PAPPA: variants seen among roughly 807,000 people sequenced by gnomAD.
PAPPA encodes the protein pappalysin-1.
A neutral mutation model predicts 164.0 loss-of-function variants in PAPPA; 60 were observed. The ratio of observed to expected loss-of-function variants is 0.37; its 90% confidence interval spans 0.30 to 0.45. The LOEUF (loss-of-function observed/expected upper bound fraction) is 0.45, where lower values mean the gene tolerates loss of function less well. PAPPA is among the 20% of genes least tolerant of loss of function. The pLI, the probability that PAPPA is intolerant of heterozygous loss-of-function variation, is 1.00. For synonymous variants in PAPPA, 875 were observed against 814.1 expected, an observed-to-expected ratio of 1.07 and a Z score of -1.27; for missense variants, 1,782 against 2,087.3, an observed-to-expected ratio of 0.85 and a Z score of 2.85.
intron 5 of PAPPA, among the ~76,000 whole-genome samples, chr9:116,226,121 ATAGG>A (rs767798508): frequency 1.3e-5 from 2 of 152,224 alleles, no homozygotes; most frequent in Non-Finnish European, 2.9e-5. Context: ...ACGCAACATG[ATAGG>A]TAGACAGAGC....
rs1274056498 is a variant in PAPPA, at chr9:116,335,050, AG to A, written c.3588del (p.Thr1197ProfsTer44). The A allele has an allele frequency of 1.2e-6, 2 of 1,613,294 alleles. No homozygotes were observed. The highest frequency in any genetic ancestry group is 1.7e-6 in the Non-Finnish European group (2 of 1,179,948). On this transcript the variant is annotated frameshift_variant, in exon 13 of 22. Transcript: ENST00000328252. LOFTEE classifies it high-confidence loss of function. The part of the protein sequence containing the change: ...PVTLSSCQRG[E>X]TYSPAEQSCV... ...ACCCTGAGCAGCTGCCAGAGAGGGG[AG>A]ACCTACAGCCCTGCCGAGCAGAGGT...
At chr9:116,171,500 C>G (rs554094081) in intron 1 of PAPPA, among the ~76,000 whole-genome samples, 1 of 147,176 alleles carries the variant, frequency 6.8e-6, no homozygotes, top group Admixed American at 6.8e-5. Flanking sequence ...TCAACCCCCC[C>G]ACCACTCTGT....
intron 21 of PAPPA, among the ~76,000 whole-genome samples, chr9:116,392,337 C>G (rs4837374): frequency 0.24 from 36,579 of 152,160 alleles, 4,879 homozygotes; most frequent in East Asian, 0.39. Flanking sequence ...TCCTGCATCA[C>G]CAACTCACTG....
intron 7 of PAPPA, among the ~76,000 whole-genome samples, chr9:116,245,182 A>G (rs1055463872): frequency 6.6e-6 from 1 of 151,972 alleles, no homozygotes; most frequent in Non-Finnish European, 1.5e-5. Flanking sequence ...AAGGGGGTGG[A>G]TGATGGGCAA....
Position 116,265,941 on chromosome 9 carries a change from A to G in PAPPA, c.2817A>G (p.Thr939=), listed in dbSNP as rs373907896. The change falls in exon 8 of 22, where the codon ACA becomes ACG. Residue 939 remains threonine (T), a synonymous_variant. Coordinates refer to ENST00000328252, the MANE Select transcript of PAPPA (RefSeq NM_002581.5). ...AGAGTGAGCCATCACCTGCTGTCAC[A>G]TACATCCATGGAAGTGGGTACTGTG... ...TEESEPSPAV[T]YIHGSGYCGD... 4 of 1,613,042 alleles carry G rather than the reference A, an allele frequency of 2.5e-6. No homozygotes were observed. In the African/African-American group the frequency reaches 5.3e-5, roughly 22 times the overall value.
Position 116,187,487 on chromosome 9 carries a change from G to A in PAPPA, c.749G>A (p.Arg250Gln), listed in dbSNP as rs201674996. Residue 250 changes from arginine (R) to glutamine (Q), a missense_variant, in exon 2 of 22, where the codon CGG becomes CAG. Arg to Gln is a conservative substitution (Grantham distance 43). Around this residue, in one of 2 missense-constraint regions of PAPPA, gnomAD observed 458 missense variants for 430.3 expected, o/e 1.06. Transcript: ENST00000328252. This position sits in a 1 kb window ranked among gnomAD's most constrained non-coding sequence, Gnocchi z 4.2. ...LGGSALNHNY[R>Q]GYIEHFSLWK... ...GGCAGTGCCCTGAATCACAACTACC[G>A]GGGCTACATCGAGCACTTCAGTCTG... is the stretch of plus-strand genomic sequence containing the variant. 8.1e-6 allele frequency: 13 copies of A among 1,613,994 alleles called. No homozygotes were observed. The highest frequency in any genetic ancestry group is 1.0e-5 in the Non-Finnish European group (12 of 1,180,016).
At chr9:116,362,385 A>T (rs939510515) in intron 17 of PAPPA, among the ~76,000 whole-genome samples, 1 of 152,194 alleles carries the variant, frequency 6.6e-6, no homozygotes, top group Non-Finnish European at 1.5e-5. Flanking sequence ...TCCTGGTCTG[A>T]GTCCTCAGTT....
At chr9:116,275,925 AC>A (rs1845192099) in intron 9 of PAPPA, among the ~76,000 whole-genome samples, 1 of 151,764 alleles carries the variant, frequency 6.6e-6, no homozygotes, top group East Asian at 1.9e-4. Flanking sequence ...TCAATTTCCC[AC>A]CCCTGGTGCC....
In PAPPA at chr9:116,271,285, G is replaced by A; in HGVS notation, c.2862-40G>A. ...TTTCCATGTCCAGCCATGGTTTTAA[G>A]ACTAAATTGGCAAATTTCTCTTCCA... is the stretch of plus-strand genomic sequence containing the variant. On this transcript the variant is annotated intron_variant, in intron 8 of 21. Coordinates refer to ENST00000328252, the MANE Select transcript of PAPPA (RefSeq NM_002581.5). The surrounding 1 kb of genome is among the most constrained non-coding windows in gnomAD (Gnocchi z 4.2). 1 of 1,454,020 alleles carries A rather than the reference G, an allele frequency of 6.9e-7. No homozygotes were observed. The highest frequency in any genetic ancestry group is 9.7e-7 in the Non-Finnish European group (1 of 1,034,104). The allele number at this position is 1,454,020 out of a possible 1,614,324, so 90.1% of individuals were successfully genotyped here. A position where few individuals can be genotyped will look rare whatever the true frequency, so the allele number is the denominator to read the frequency against.
chr9:116,212,716 G>A (rs574725107), intron 4 of PAPPA, among the ~76,000 whole-genome samples: 1 of 152,198 alleles, frequency 6.6e-6, no homozygotes, highest in African/African-American at 2.4e-5. Context: ...ATGTTTGTTA[G>A]GAAAGGAAGA....
intron 1 of PAPPA, among the ~76,000 whole-genome samples, chr9:116,175,333 ATAGTTACTATTGCACACT>A (rs1378900601): frequency 5.9e-5 from 9 of 152,216 alleles, no homozygotes; most frequent in Non-Finnish European, 1.3e-4. Flanking sequence ...CATGATGACT[ATAGTTACTATTGCACACT>A]TGAAAATTGC....
intron 14 of PAPPA, among the ~76,000 whole-genome samples, chr9:116,345,335 C>G (rs1846193011): frequency 6.7e-6 from 1 of 149,344 alleles, no homozygotes; most frequent in African/African-American, 2.5e-5. Flanking sequence ...GACATGGAAA[C>G]AGCTAACTAG....
intron 1 of PAPPA, among the ~76,000 whole-genome samples, chr9:116,174,939 A>AT (rs756725412): frequency 6.6e-6 from 1 of 152,040 alleles, no homozygotes; most frequent in Admixed American, 6.6e-5. Context: ...CCAAATAGAA[A>AT]TTTTTTTCTC....
chr9:116,382,997 C>T (rs965269044), intron 21 of PAPPA, among the ~76,000 whole-genome samples: 2 of 152,144 alleles, frequency 1.3e-5, no homozygotes, highest in African/African-American at 4.8e-5. Flanking sequence ...AGGTCATTTA[C>T]AGTCTTTGAG....
intron 15 of PAPPA, 108 bp from the exon 16 acceptor site, chr9:116,352,598 T>A: frequency 1.2e-6 from 1 of 832,668 alleles, no homozygotes. Context: ...GAATTCCACA[T>A]AAGGGATCTC....
At chr9:116,350,172 A>G (rs969637497) in intron 15 of PAPPA, among the ~76,000 whole-genome samples, 1 of 152,196 alleles carries the variant, frequency 6.6e-6, no homozygotes, top group Non-Finnish European at 1.5e-5. Flanking sequence ...AGCATCAATG[A>G]CCAGTATAAT....
chr9:116,326,358 C>T (rs1845920457), intron 10 of PAPPA, among the ~76,000 whole-genome samples: 2 of 152,102 alleles, frequency 1.3e-5, no homozygotes, highest in Admixed American at 1.3e-4. Flanking sequence ...CCTGAAGCCA[C>T]CCCAGGGACC....
chr9:116,193,571 T>C (rs932517300), intron 2 of PAPPA, among the ~76,000 whole-genome samples: 5 of 151,994 alleles, frequency 3.3e-5, no homozygotes, highest in Admixed American at 6.6e-5. Flanking sequence ...AGACCCAGGG[T>C]CTCACTTCCT....
chr9:116,219,962 G>A lies in PAPPA; in HGVS notation c.1944G>A (p.Thr648=), dbSNP rs140997586. The change falls in exon 5 of 22, where the codon ACG becomes ACA. Residue 648 remains threonine, a synonymous_variant. Coordinates refer to ENST00000328252, the MANE Select transcript of PAPPA (RefSeq NM_002581.5). The part of the protein sequence containing the change: ...YADDDCTDSF[T]PNQVARMHCY... Reference sequence around the variant, plus strand: ...ATGACGACTGTACGGACTCCTTCACGCCCAATCAAGTCGCCAGAATGCACT... The same window carrying A: ...ATGACGACTGTACGGACTCCTTCACACCCAATCAAGTCGCCAGAATGCACT... The A allele has an allele frequency of 1.5e-4, 243 of 1,613,502 alleles. No homozygotes were observed. The highest frequency in any genetic ancestry group is 1.9e-4 in the Non-Finnish European group (228 of 1,179,848).
Sources: gnomAD v4.1 joint callset for allele counts (sites outside exome capture counted in the v4.1 genomes callset) on GRCh38, gnomAD v4.1.1 for gene constraint, gnomAD v4.1.1 regional missense constraint, Gnocchi (gnomAD v3.1) non-coding constraint, MANE v1.5 for transcripts, NCBI Gene and HGNC (gene_info 2026-07-23, HGNC 2026-07-21) for gene names.